APPBP2: variants seen among roughly 807,000 people sequenced by gnomAD.
APPBP2 encodes the protein amyloid protein-binding protein 2.
In APPBP2, 15 loss-of-function variants were observed where a neutral mutation model predicts 76.0. The observed-to-expected ratio is 0.20, with a 90% CI of 0.13 to 0.30. The LOEUF (loss-of-function observed/expected upper bound fraction) is 0.30, where lower values mean the gene tolerates loss of function less well. Ranked by LOEUF, APPBP2 falls within the 10% of genes least tolerant of loss-of-function variation. The probability of loss-of-function intolerance (pLI) is 1.00; values close to 1 mark genes in which losing one functional copy is unlikely to be tolerated. For synonymous variants in APPBP2, 222 were observed against 242.2 expected (o/e 0.92, Z 0.77); for missense variants, 401 against 687.2 (o/e 0.58, Z 4.66).
intron 3 of APPBP2, among the ~76,000 whole-genome samples, chr17:60,493,010 A>G (rs1490029242): frequency 6.6e-6 from 1 of 152,208 alleles, no homozygotes; most frequent in Non-Finnish European, 1.5e-5. Flanking sequence ...ACTGAATCAT[A>G]GGGCCGGTTC....
chr17:60,457,308 C>A (rs1279498580), intron 9 of APPBP2, among the ~76,000 whole-genome samples: 1 of 152,116 alleles, frequency 6.6e-6, no homozygotes, highest in East Asian at 1.9e-4. Context: ...CCTCCCTCTC[C>A]CCCACCCTCC....
intron 2 of APPBP2, 71 bp downstream of exon 2, chr17:60,500,328 G>T: frequency 2.8e-6 from 3 of 1,071,326 alleles, no homozygotes; most frequent in Non-Finnish European, 2.8e-6. Context: ...TATACTTAAT[G>T]CCACTCAATT....
At chr17:60,513,418 T>C in intron 1 of APPBP2, 1 of 665,380 alleles carries the variant, frequency 1.5e-6, no homozygotes, top group Non-Finnish European at 2.8e-6. Context: ...CTATCGGGAT[T>C]CAATTTTTGT....
intron 1 of APPBP2, among the ~76,000 whole-genome samples, chr17:60,520,822 G>C (rs377549042): frequency 1.9e-4 from 29 of 151,966 alleles, no homozygotes; most frequent in Non-Finnish European, 7.4e-5. Context: ...TCAGCCTCCC[G>C]AACTGTTGGG....
chr17:60,472,174 A>G (rs545416140), intron 4 of APPBP2, among the ~76,000 whole-genome samples: 1 of 152,224 alleles, frequency 6.6e-6, no homozygotes, highest in Admixed American at 6.5e-5. Flanking sequence ...CAAAAACAAA[A>G]ACAAAACAAA....
chr17:60,517,619 A>T (rs1037325772), intron 1 of APPBP2, among the ~76,000 whole-genome samples: 1 of 152,216 alleles, frequency 6.6e-6, no homozygotes, highest in Non-Finnish European at 1.5e-5. Flanking sequence ...ATTAACCAAT[A>T]CCATTAATTT....
At chr17:60,465,924 T>G (rs2090507473) in intron 5 of APPBP2, among the ~76,000 whole-genome samples, 1 of 152,134 alleles carries the variant, frequency 6.6e-6, no homozygotes, top group African/African-American at 2.4e-5. Flanking sequence ...CACCCTCAAC[T>G]TACTGGGCTC....
intron 4 of APPBP2, among the ~76,000 whole-genome samples, chr17:60,474,222 G>A (rs1188357926): frequency 1.3e-5 from 2 of 150,882 alleles, no homozygotes; most frequent in Non-Finnish European, 2.9e-5. Context: ...CCAGGTTGGA[G>A]TGCAATGGTG....
At chr17:60,511,247 C>A (rs139894783) in intron 1 of APPBP2, among the ~76,000 whole-genome samples, 2 of 152,080 alleles carry the variant, frequency 1.3e-5, no homozygotes, top group Non-Finnish European at 2.9e-5. Context: ...TGGTGAAAAT[C>A]GGAAGTGTTT....
chr17:60,463,993 C>T (rs2090493074), intron 6 of APPBP2, 28 bp downstream of exon 6: 10 of 1,452,122 alleles, frequency 6.9e-6, no homozygotes, highest in Non-Finnish European at 8.5e-6. Context: ...TCCTATAATT[C>T]ATTTAATAAT....
At chr17:60,501,670 T>C (rs1454460262) in intron 1 of APPBP2, among the ~76,000 whole-genome samples, 1 of 152,152 alleles carries the variant, frequency 6.6e-6, no homozygotes, top group African/African-American at 2.4e-5. Context: ...GCTATATAAA[T>C]AATACAGTGC....
intron 3 of APPBP2, among the ~76,000 whole-genome samples, chr17:60,494,186 C>CT (rs1280468940): frequency 6.6e-6 from 1 of 152,192 alleles, no homozygotes; most frequent in Non-Finnish European, 1.5e-5. Flanking sequence ...AGCTCTACTA[C>CT]TAGCTATGTG....
Position 60,443,476 on chromosome 17 carries a change from A to T in APPBP2, c.*4105T>A, listed in dbSNP as rs1432771424. 6.5e-6 allele frequency: 1 copy of T among 152,674 alleles called. No homozygotes were observed. Among genetic ancestry groups the T allele is most frequent in the East Asian group, 1.9e-4 (1 of 5,202 alleles). The allele number at this position is 152,674 out of a possible 1,614,324, so 9.5% of individuals were successfully genotyped here. A position where few individuals can be genotyped will look rare whatever the true frequency, so the allele number is the denominator to read the frequency against. ...TTTTTATTTTGAGCCTATTAAACTA[A>T]AATCCCCTGTTGCTTAATAAAGTAT... is the stretch of plus-strand genomic sequence containing the variant. On this transcript the variant is annotated 3_prime_UTR_variant, in exon 13 of 13. Coordinates refer to ENST00000083182, the MANE Select transcript of APPBP2 (RefSeq NM_006380.5).
At chr17:60,468,961 CTAGT>C (rs1476969362) in intron 4 of APPBP2, among the ~76,000 whole-genome samples, 1 of 152,086 alleles carries the variant, frequency 6.6e-6, no homozygotes, top group Non-Finnish European at 1.5e-5. Flanking sequence ...CTGAACATGA[CTAGT>C]TAGAGCCTCA....
At chr17:60,483,944 C>A (rs7223217) in intron 3 of APPBP2, among the ~76,000 whole-genome samples, 2,333 of 149,928 alleles carry the variant, frequency 0.016, 75 homozygotes, top group African/African-American at 0.056. Flanking sequence ...AGCTTTCTAC[C>A]TACGGCTAGC....
At chr17:60,483,236 G>A in intron 3 of APPBP2, among the ~76,000 whole-genome samples, 1 of 152,152 alleles carries the variant, frequency 6.6e-6, no homozygotes, top group Non-Finnish European at 1.5e-5. Context: ...CTTTTGAGAA[G>A]TGTCTGCTCA....
intron 1 of APPBP2, among the ~76,000 whole-genome samples, chr17:60,510,979 G>A (rs1452996545): frequency 1.3e-5 from 2 of 152,032 alleles, no homozygotes; most frequent in African/African-American, 2.4e-5. Context: ...TTAAAAGAAT[G>A]AACTTATGTG....
intron 3 of APPBP2, among the ~76,000 whole-genome samples, chr17:60,490,736 C>A (rs1183872315): frequency 6.6e-6 from 1 of 152,110 alleles, no homozygotes; most frequent in Non-Finnish European, 1.5e-5. Flanking sequence ...TGGGGGCAGT[C>A]TCCCCAATAC....
At chr17:60,488,814 T>A (rs983513164) in intron 3 of APPBP2, among the ~76,000 whole-genome samples, 2 of 152,244 alleles carry the variant, frequency 1.3e-5, no homozygotes, top group African/African-American at 4.8e-5. Context: ...CATTTTTACA[T>A]GATCATATAG....
Sources: gnomAD v4.1 joint callset for allele counts (sites outside exome capture counted in the v4.1 genomes callset) on GRCh38, gnomAD v4.1.1 for gene constraint, MANE v1.5 for transcripts, NCBI Gene and HGNC (gene_info 2026-07-23, HGNC 2026-07-21) for gene names.